The following SLC25A48 variants were observed in gnomAD, a reference collection of about 807,000 sequenced individuals.
The protein encoded by SLC25A48 is solute carrier family 25 member 48, also known as CTC-321K16.1.
SLC25A48 carries 29 observed loss-of-function variants against 32.2 expected under a neutral mutation model. That is an observed-to-expected ratio of 0.90 (90% confidence interval 0.67 to 1.23). The LOEUF (loss-of-function observed/expected upper bound fraction) is 1.23. Among genes scored for constraint, SLC25A48 ranks in the 50% most tolerant of loss-of-function variants. The pLI is 0.00. For missense variants in SLC25A48, 399 were observed against 422.7 expected (o/e 0.94, Z 0.49); for synonymous variants, 164 against 172.3 (o/e 0.95, Z 0.38).
chr5:135,782,066 G>A (rs1463545494), intron 3 of SLC25A48, among the ~76,000 whole-genome samples: 1 of 114,832 alleles, frequency 8.7e-6, no homozygotes, highest in East Asian at 2.2e-4. Context: ...CTGTGATACT[G>A]TTTTTAATAC....
At chr5:135,734,921 T>C (rs536711364) in intron 3 of SLC25A48, among the ~76,000 whole-genome samples, 3 of 151,924 alleles carry the variant, frequency 2.0e-5, no homozygotes, top group South Asian at 2.1e-4. Context: ...TCTGAGGCAA[T>C]TGGGCAGCGT....
At chr5:135,746,494 T>G (rs1755644937) in intron 3 of SLC25A48, 1 of 236,630 alleles carries the variant, frequency 4.2e-6, no homozygotes, top group Admixed American at 6.2e-5. Flanking sequence ...CCGGAACTGC[T>G]GTCGTGCATT....
intron 1 of SLC25A48, among the ~76,000 whole-genome samples, chr5:135,597,997 C>G (rs1326519703): frequency 7.1e-6 from 1 of 141,724 alleles, no homozygotes; most frequent in Non-Finnish European, 1.6e-5. Context: ...GAGTGAGACT[C>G]TGTCTTAAAA....
rs74759599 is a variant in SLC25A48 at position 135,806,202 on chromosome 5, T to C, written c.-520-6321T>C. Among the ~76,000 whole-genome samples, 1,128 of 151,752 alleles carry C rather than the reference T, an allele frequency of 7.4e-3. 12 individuals are homozygous for C. Among genetic ancestry groups the C allele is most frequent in the African/African-American group, 0.025 (1,055 of 41,462 alleles). On this transcript the variant is annotated intron_variant, in intron 3 of 10. Coordinates refer to the SLC25A48 transcript ENST00000646290. ...ACACCCCGTGATATGATTCATAATA[T>C]CTAGAAAGATATTATTCCTAATATT...
chr5:135,610,240 C>T (rs571974799), intron 1 of SLC25A48, among the ~76,000 whole-genome samples: 2 of 152,184 alleles, frequency 1.3e-5, no homozygotes, highest in East Asian at 1.9e-4. Context: ...CTACACCTGA[C>T]GGGGGTGCCC....
At chr5:135,727,147 A>AT (rs773520519) in intron 3 of SLC25A48, among the ~76,000 whole-genome samples, 24 of 149,450 alleles carry the variant, frequency 1.6e-4, no homozygotes, top group South Asian at 1.5e-3. Flanking sequence ...TTTAAATTGA[A>AT]TTTTTTTTTA....
intron 3 of SLC25A48, among the ~76,000 whole-genome samples, chr5:135,748,930 G>T (rs1307836227): frequency 6.6e-6 from 1 of 151,962 alleles, no homozygotes; most frequent in South Asian, 2.1e-4. Flanking sequence ...TGTTGGTTAG[G>T]CTGGTTTTGA....
At chr5:135,798,689 C>A (rs1043472453) in intron 3 of SLC25A48, among the ~76,000 whole-genome samples, 6 of 151,468 alleles carry the variant, frequency 4.0e-5, no homozygotes, top group Non-Finnish European at 8.8e-5. Flanking sequence ...CCCTAAATCG[C>A]AGGGGGTGTA....
chr5:135,816,352 T>C (rs1174916022), intron 4 of SLC25A48, among the ~76,000 whole-genome samples: 6 of 152,190 alleles, frequency 3.9e-5, no homozygotes, highest in African/African-American at 1.4e-4. Flanking sequence ...ATAAAAACAG[T>C]TAACCTGTGT....
intron 3 of SLC25A48, among the ~76,000 whole-genome samples, chr5:135,755,671 GTATTAATTAAA>G: frequency 6.6e-6 from 1 of 151,626 alleles, no homozygotes; most frequent in South Asian, 2.1e-4. Flanking sequence ...ACGAACTATA[GTATTAATTAAA>G]TATTGCTGTG....
upstream of SLC25A48, among the ~76,000 whole-genome samples, chr5:135,830,493 C>T (rs939983537): frequency 1.2e-4 from 18 of 152,344 alleles, no homozygotes; most frequent in Middle Eastern, 3.4e-3. Flanking sequence ...GCTGCTTCAC[C>T]CCCTCACTTC....
At chr5:135,872,623 T>C (rs1488352913) in intron 5 of SLC25A48, 1 of 152,260 alleles carries the variant, frequency 6.6e-6, no homozygotes, top group African/African-American at 2.4e-5. Flanking sequence ...CTGAGGGTTC[T>C]GCTATGCTGT....
chr5:135,800,953 G>T (rs1399710371), intron 3 of SLC25A48, among the ~76,000 whole-genome samples: 1 of 151,008 alleles, frequency 6.6e-6, no homozygotes, highest in African/African-American at 2.4e-5. Flanking sequence ...GGAGGAGAGG[G>T]TTATAACACT....
At chr5:135,631,665 G>A (rs1169000813) in intron 2 of SLC25A48, among the ~76,000 whole-genome samples, 1 of 152,222 alleles carries the variant, frequency 6.6e-6, no homozygotes, top group East Asian at 1.9e-4. Flanking sequence ...AACTGTCAAA[G>A]TCATTCTCAT....
At chr5:135,581,403 C>A (rs1219616956) in intron 1 of SLC25A48, among the ~76,000 whole-genome samples, 1 of 152,082 alleles carries the variant, frequency 6.6e-6, no homozygotes, top group African/African-American at 2.4e-5. Flanking sequence ...TGGCACATGC[C>A]CATTTTAAGA....
intron 7 of SLC25A48, among the ~76,000 whole-genome samples, chr5:135,883,889 A>C (rs895548997): frequency 1.3e-5 from 2 of 152,112 alleles, no homozygotes; most frequent in Non-Finnish European, 2.9e-5. Context: ...CCGCGTGGGG[A>C]GGCCATTGCT....
intron 1 of SLC25A48, among the ~76,000 whole-genome samples, chr5:135,602,614 C>CT (rs781288614): frequency 0.079 from 11,093 of 139,668 alleles, 392 homozygotes; most frequent in South Asian, 0.16. Context: ...TTTTTTCTTT[C>CT]TTTTTTTTTT....
intron 3 of SLC25A48, among the ~76,000 whole-genome samples, chr5:135,668,364 T>C (rs1181200718): frequency 2.6e-5 from 4 of 152,254 alleles, no homozygotes; most frequent in Admixed American, 2.0e-4. Flanking sequence ...AAGAGTGAAG[T>C]TGAAATAGTA....
chr5:135,715,272 G>T (rs990054958), intron 3 of SLC25A48, among the ~76,000 whole-genome samples: 44 of 152,132 alleles, frequency 2.9e-4, no homozygotes, highest in Admixed American at 2.9e-3. Flanking sequence ...GTGCAGAAGG[G>T]GCACATTTCT....
Sources: gnomAD v4.1 joint callset for allele counts (sites outside exome capture counted in the v4.1 genomes callset) on GRCh38, gnomAD v4.1.1 for gene constraint, MANE v1.5 for transcripts, NCBI Gene and HGNC (gene_info 2026-07-23, HGNC 2026-07-21) for gene names.